The following FMN2 variants were observed in gnomAD, a reference collection of about 807,000 sequenced individuals.
The protein encoded by FMN2 is formin-2.
In FMN2, 51 loss-of-function variants were observed where a neutral mutation model predicts 142.3. The observed-to-expected ratio is 0.36, with a 90% CI of 0.29 to 0.45. FMN2 has a LOEUF of 0.45. Among genes scored for constraint, FMN2 ranks in the 20% least tolerant of loss-of-function variants. The pLI is 1.00. For missense variants in FMN2, 1,936 were observed against 2,122.8 expected, an observed-to-expected ratio of 0.91 and a Z score of 1.73; for synonymous variants, 882 against 869.8, an observed-to-expected ratio of 1.01 and a Z score of -0.25.
rs1553341260 is a variant in FMN2 at position 240,207,539 on chromosome 1, A to ACCCCTT, written c.2731_2732insTTCCCC (p.Pro910_Pro911insLeuPro). 2 of 1,603,132 alleles carry ACCCCTT rather than the reference A, an allele frequency of 1.2e-6. No individual in the cohort carries two copies. Among genetic ancestry groups the ACCCCTT allele is most frequent in the African/African-American group, 2.8e-5 (2 of 70,446 alleles). The stretch of plus-strand genomic sequence containing the variant: ...CTCTGCAGGGTACAGAAATGCTGCC[A>ACCCCTT]CCCCCTCCCCCTCCTCTTCCCGGAG... On this transcript the variant is annotated inframe_insertion, in exon 5 of 18. Coordinates refer to ENST00000319653, the MANE Select transcript of FMN2 (RefSeq NM_020066.5).
intron 16 of FMN2, among the ~76,000 whole-genome samples, chr1:240,460,371 C>G (rs1009221663): frequency 3.3e-5 from 5 of 152,174 alleles, no homozygotes; most frequent in African/African-American, 1.2e-4. Flanking sequence ...GCGGGCATAT[C>G]ACCTGAGGTC....
chr1:240,300,157 A>G (rs1670149144), intron 8 of FMN2, among the ~76,000 whole-genome samples: 1 of 152,192 alleles, frequency 6.6e-6, no homozygotes, highest in Non-Finnish European at 1.5e-5. Flanking sequence ...CATGAAACCA[A>G]TATGGTTGCT....
At chr1:240,310,740 G>A (rs1670577799) in intron 8 of FMN2, among the ~76,000 whole-genome samples, 1 of 152,170 alleles carries the variant, frequency 6.6e-6, no homozygotes, top group Non-Finnish European at 1.5e-5. Flanking sequence ...AGCTTGTGAG[G>A]TGGATAGGAA....
intron 14 of FMN2, among the ~76,000 whole-genome samples, chr1:240,384,934 A>G (rs1198342004): frequency 6.6e-6 from 1 of 152,206 alleles, no homozygotes; most frequent in African/African-American, 2.4e-5. Flanking sequence ...TAAAACATCT[A>G]CATGTATGAT....
intron 14 of FMN2, among the ~76,000 whole-genome samples, chr1:240,390,722 T>C (rs924969437): frequency 6.6e-6 from 1 of 152,234 alleles, no homozygotes; most frequent in Admixed American, 6.5e-5. Flanking sequence ...TGTTAACAGA[T>C]GAATCTGCCT....
At chr1:240,389,022 A>T (rs966041813) in intron 14 of FMN2, among the ~76,000 whole-genome samples, 2 of 152,144 alleles carry the variant, frequency 1.3e-5, no homozygotes, top group African/African-American at 4.8e-5. Context: ...TTGATTATGA[A>T]TGACTGGAAA....
At chr1:240,374,660 G>A (rs1672986043) in intron 14 of FMN2, among the ~76,000 whole-genome samples, 3 of 152,174 alleles carry the variant, frequency 2.0e-5, no homozygotes, top group South Asian at 2.1e-4. Flanking sequence ...TCTGGATGAG[G>A]CATTGGCTTA....
At chr1:240,114,847 G>A (rs1195963083) in intron 1 of FMN2, among the ~76,000 whole-genome samples, 7 of 151,838 alleles carry the variant, frequency 4.6e-5, no homozygotes, top group Admixed American at 1.3e-4. Flanking sequence ...TAGTAGAGAT[G>A]GGGTTTCACC....
chr1:240,273,637 G>T (rs1417493934), intron 7 of FMN2, among the ~76,000 whole-genome samples: 2 of 152,114 alleles, frequency 1.3e-5, no homozygotes, highest in Non-Finnish European at 2.9e-5. Flanking sequence ...TTCTGTGTAT[G>T]GGAGTGGCAT....
At chr1:240,418,342 G>A (rs1412040310) in intron 15 of FMN2, among the ~76,000 whole-genome samples, 1 of 151,658 alleles carries the variant, frequency 6.6e-6, no homozygotes, top group Non-Finnish European at 1.5e-5. Flanking sequence ...GACTACAGGC[G>A]CCCACCACCA....
intron 2 of FMN2, chr1:240,143,708 G>A: frequency 6.3e-7 from 1 of 1,584,570 alleles, no homozygotes; most frequent in Admixed American, 1.7e-5. Context: ...AGTCCAAGAG[G>A]AAGCCAACGA....
At chr1:240,175,380 T>G (rs1344347137) in intron 2 of FMN2, among the ~76,000 whole-genome samples, 1 of 152,224 alleles carries the variant, frequency 6.6e-6, no homozygotes, top group African/African-American at 2.4e-5. Context: ...GTAATTCTAT[T>G]TTTAATTTTT....
At chr1:240,394,629 T>C (rs1572263000) in intron 15 of FMN2, among the ~76,000 whole-genome samples, 1 of 152,276 alleles carries the variant, frequency 6.6e-6, no homozygotes, top group East Asian at 1.9e-4. Context: ...AGATGCCATC[T>C]AGGATTTTCA....
At chr1:240,262,642 C>T (rs915872037) in intron 7 of FMN2, among the ~76,000 whole-genome samples, 4 of 151,988 alleles carry the variant, frequency 2.6e-5, no homozygotes, top group Admixed American at 1.3e-4. Context: ...TAAGCTTCAG[C>T]TTTATCCCCC....
At chr1:240,276,372 G>T (rs889109808) in intron 7 of FMN2, among the ~76,000 whole-genome samples, 1 of 152,168 alleles carries the variant, frequency 6.6e-6, no homozygotes, top group African/African-American at 2.4e-5. Context: ...ATAATGGTGC[G>T]TGGTTAAGAA....
chr1:240,260,400 C>T (rs1668586125), intron 7 of FMN2, among the ~76,000 whole-genome samples: 1 of 152,082 alleles, frequency 6.6e-6, no homozygotes, highest in Non-Finnish European at 1.5e-5. Flanking sequence ...TTCACTGCAT[C>T]CATGCCAACA....
chr1:240,136,994 C>A (rs892280728), intron 2 of FMN2, among the ~76,000 whole-genome samples: 5 of 148,376 alleles, frequency 3.4e-5, no homozygotes, highest in African/African-American at 1.3e-4. Flanking sequence ...CGCTTGAACC[C>A]AAGAGGCGGA....
chr1:240,222,013 A>AATT (rs1392104252), intron 6 of FMN2, among the ~76,000 whole-genome samples: 150 of 69,336 alleles, frequency 2.2e-3, no homozygotes, highest in Admixed American at 7.5e-3. Flanking sequence ...ACACCCAGCT[A>AATT]ATTTTTTTTT....
chr1:240,232,156 G>A (rs1047776170), intron 6 of FMN2, among the ~76,000 whole-genome samples: 3 of 151,220 alleles, frequency 2.0e-5, no homozygotes, highest in African/African-American at 4.9e-5. Context: ...TGCAACCTCC[G>A]CCTCCTGGGT....
Sources: gnomAD v4.1 joint callset for allele counts (sites outside exome capture counted in the v4.1 genomes callset) on GRCh38, gnomAD v4.1.1 for gene constraint, MANE v1.5 for transcripts, NCBI Gene and HGNC (gene_info 2026-07-23, HGNC 2026-07-21) for gene names.